The following POR variants were observed in gnomAD, a reference collection of about 807,000 sequenced individuals.
POR encodes cytochrome p450 oxidoreductase.
POR carries 56 observed loss-of-function variants against 84.0 expected under a neutral mutation model. The ratio of observed to expected loss-of-function variants is 0.67; its 90% CI spans 0.54 to 0.83. The LOEUF is 0.83. POR is among the 40% of genes least tolerant of loss of function. The pLI is 0.00. For synonymous variants in POR, 414 were observed against 400.5 expected, an observed-to-expected ratio of 1.03 and a Z score of -0.40; for missense variants, 938 against 944.3, an observed-to-expected ratio of 0.99 and a Z score of 0.09.
chr7:75,969,091 T>C (rs1554555766), intron 2 of POR, among the ~76,000 whole-genome samples: 1 of 152,194 alleles, frequency 6.6e-6, no homozygotes, highest in Non-Finnish European at 1.5e-5. Context: ...CGTGAACCTG[T>C]CCTGTCCCAT....
At chr7:75,919,086 T>A (rs1308263464) in intron 1 of POR, among the ~76,000 whole-genome samples, 1 of 151,302 alleles carries the variant, frequency 6.6e-6, no homozygotes, top group Non-Finnish European at 1.5e-5. Flanking sequence ...GCAACCTCTG[T>A]CTCCTGGGTT....
At chr7:75,956,494 A>G (rs781905588) in intron 2 of POR, among the ~76,000 whole-genome samples, 3 of 152,128 alleles carry the variant, frequency 2.0e-5, no homozygotes. Flanking sequence ...CGAGACCTTA[A>G]CCTCATTCTG....
rs1402880352 is a variant in POR, at chr7:75,952,269, G to A, written c.-4-1720G>A. 1.2e-4 allele frequency among the ~76,000 whole-genome samples: 17 copies of A among 143,286 alleles called. No homozygotes were observed. The East Asian group carries it at 2.6e-3, about 22-fold the overall frequency. 94.0% of individuals were successfully genotyped at this position (143,286 alleles called of 152,430 possible). A position where few individuals can be genotyped will look rare whatever the true frequency, so the allele number is the denominator to read the frequency against. On this transcript the variant is annotated intron_variant, in intron 1 of 15. Transcript: ENST00000461988. ...CCCCCACCTCCCTCCCGGACGGGGCGGCTGGCCGGGCGGGGGGCTGACCCC... is the reference window on the plus strand; with the variant it reads ...CCCCCACCTCCCTCCCGGACGGGGCAGCTGGCCGGGCGGGGGGCTGACCCC...
At chr7:75,942,586 G>A (rs1237083333) in intron 1 of POR, among the ~76,000 whole-genome samples, 1 of 151,822 alleles carries the variant, frequency 6.6e-6, no homozygotes, top group African/African-American at 2.4e-5. Flanking sequence ...TAAAATATGG[G>A]AATTTCCTTC....
chr7:75,985,066 C>T lies in POR; in HGVS notation c.1257C>T (p.Tyr419=), dbSNP rs1554558874. 6.3e-7 allele frequency: 1 copy of T among 1,598,224 alleles called. No homozygotes were observed. Among genetic ancestry groups the T allele is most frequent in the Non-Finnish European group, 8.5e-7 (1 of 1,178,340 alleles). The change falls in exon 12 of 16, where the codon TAC becomes TAT. Residue 419 remains tyrosine (Y), a synonymous_variant. Coordinates refer to ENST00000461988, the MANE Select transcript of POR (RefSeq NM_000941.3). Reference sequence around the variant, plus strand: ...ACCCCCGTGTCTCTTAGGAGCTGTACCTGAGCTGGGTGGTGGAGGCCCGGA... The same window carrying T: ...ACCCCCGTGTCTCTTAGGAGCTGTATCTGAGCTGGGTGGTGGAGGCCCGGA...
In POR at chr7:75,986,591, C is replaced by T; in HGVS notation, c.*110C>T. 1.4e-6 allele frequency: 2 copies of T among 1,382,202 alleles called. No individual in the cohort carries two copies. The highest frequency in any genetic ancestry group is 2.0e-6 in the Non-Finnish European group (2 of 1,024,322). The allele number at this position is 1,382,202 out of a possible 1,614,324, so 85.6% of individuals were successfully genotyped here. ...GGCTTGGCCTTGGCATGGGCGCAGG[C>T]CCAGTGACAAAGACTCCTCTGGGCC... On this transcript the variant is annotated 3_prime_UTR_variant, in exon 16 of 16. Coordinates refer to ENST00000461988, the MANE Select transcript of POR (RefSeq NM_000941.3).
chr7:75,922,964 G>A (rs1326077680), intron 1 of POR: 9 of 680,118 alleles, frequency 1.3e-5, no homozygotes, highest in Admixed American at 2.2e-5. Flanking sequence ...TGTCTCAGAC[G>A]ACTAGAAGTA....
Position 75,986,624 on chromosome 7 carries a change from C to G in POR, c.*143C>G, listed in dbSNP as rs1372876884. 4 of 1,061,862 alleles carry G rather than the reference C, an allele frequency of 3.8e-6. No homozygotes were observed. Among genetic ancestry groups the G allele is most frequent in the Non-Finnish European group, 5.4e-6 (4 of 746,976 alleles). 65.8% of individuals were successfully genotyped at this position (1,061,862 alleles called of 1,614,324 possible). A position where few individuals can be genotyped will look rare whatever the true frequency, so the allele number is the denominator to read the frequency against. ...CAAAGACTCCTCTGGGCCTGGGGTG[C>G]ATCCTCCTCAGCCCCCAGGCCAGGT... On this transcript the variant is annotated 3_prime_UTR_variant, in exon 16 of 16. Transcript: ENST00000461988.
At chr7:75,979,644 G>A in intron 4 of POR, 65 bp downstream of exon 4, 1 of 1,586,442 alleles carries the variant, frequency 6.3e-7, no homozygotes, top group South Asian at 1.1e-5. Flanking sequence ...CAGGTCTGTA[G>A]GGCGCCCCTC....
chr7:75,961,355 G>A (rs1787933265), intron 2 of POR, among the ~76,000 whole-genome samples: 1 of 150,870 alleles, frequency 6.6e-6, no homozygotes, highest in Non-Finnish European at 1.5e-5. Context: ...CTGAGCAGCG[G>A]CCCCATTCTG....
At chr7:75,927,637 T>C (rs984527700) in intron 1 of POR, among the ~76,000 whole-genome samples, 18 of 151,800 alleles carry the variant, frequency 1.2e-4, no homozygotes, top group Non-Finnish European at 2.4e-4. Context: ...TACTTTAAAA[T>C]GATGAATTTT....
intron 10 of POR, among the ~76,000 whole-genome samples, chr7:75,984,178 G>A (rs1192633285): frequency 1.3e-5 from 2 of 152,204 alleles, no homozygotes; most frequent in Non-Finnish European, 1.5e-5. Context: ...CTGGCTCCAC[G>A]ACCCACCTCT....
At chr7:75,918,524 C>T (rs1554548398) in intron 1 of POR, 1 of 152,162 alleles carries the variant, frequency 6.6e-6, no homozygotes, top group Admixed American at 6.6e-5. Flanking sequence ...CAGCTCAGAA[C>T]ATGTTAACCC....
At chr7:75,926,405 G>A (rs1351102949) in intron 1 of POR, among the ~76,000 whole-genome samples, 4 of 152,156 alleles carry the variant, frequency 2.6e-5, no homozygotes, top group African/African-American at 7.2e-5. Context: ...GCTCTGTTCC[G>A]ATACTCCTGG....
intron 1 of POR, among the ~76,000 whole-genome samples, chr7:75,948,182 G>A (rs1359633642): frequency 3.9e-5 from 6 of 152,198 alleles, no homozygotes; most frequent in East Asian, 1.9e-4. Context: ...TGCTTACCCC[G>A]TGTGGCCTCA....
At chr7:75,916,526 A>G (rs1806578528) in intron 1 of POR, among the ~76,000 whole-genome samples, 1 of 151,980 alleles carries the variant, frequency 6.6e-6, no homozygotes, top group Non-Finnish European at 1.5e-5. Context: ...TTTTCCTTTT[A>G]AGAGAGTGGT....
chr7:75,971,507 G>A (rs1788439060), intron 2 of POR, among the ~76,000 whole-genome samples: 2 of 152,048 alleles, frequency 1.3e-5, no homozygotes, highest in South Asian at 4.2e-4. Flanking sequence ...GGGGCGGGGT[G>A]AGGGGTGGTG....
At chr7:75,965,361 A>G (rs1230068811) in intron 2 of POR, among the ~76,000 whole-genome samples, 1 of 152,072 alleles carries the variant, frequency 6.6e-6, no homozygotes, top group Non-Finnish European at 1.5e-5. Flanking sequence ...CCATTTTACA[A>G]ATGGCAGTGC....
At chr7:75,943,851 T>C (rs782171343) in intron 1 of POR, 1 of 513,446 alleles carries the variant, frequency 1.9e-6, no homozygotes. Flanking sequence ...GCTATAGAAA[T>C]TGCAGGAAAG....
Sources: allele counts gnomAD v4.1 joint callset (sites outside exome capture counted in the v4.1 genomes callset), GRCh38; gene constraint gnomAD v4.1.1; transcripts MANE v1.5; gene names NCBI Gene and HGNC (gene_info 2026-07-23, HGNC 2026-07-21).